SYT14: variants seen among roughly 807,000 people sequenced by gnomAD.
The protein encoded by SYT14 is synaptotagmin 14, also known as synaptotagmin-14.
A neutral mutation model predicts 74.2 loss-of-function variants in SYT14; 32 were observed. The ratio of observed to expected loss-of-function variants is 0.43; its 90% CI spans 0.33 to 0.58. The LOEUF (loss-of-function observed/expected upper bound fraction) is 0.58. Ranked by LOEUF, SYT14 falls within the 20% of genes least tolerant of loss-of-function variation. The pLI is 0.05. For missense variants in SYT14, 791 were observed against 981.8 expected (o/e 0.81, Z 2.60); for synonymous variants, 298 against 337.7 (o/e 0.88, Z 1.29).
At chr1:210,162,362 T>C in exon 10 of SYT14, 2 of 440,450 alleles carry the variant, frequency 4.5e-6, no homozygotes, top group South Asian at 1.7e-5. Flanking sequence ...CTCTGAAGTA[T>C]GTAAAAGTTG....
intron 5 of SYT14, among the ~76,000 whole-genome samples, chr1:210,037,886 C>T (rs921823808): frequency 7.9e-5 from 12 of 151,968 alleles, no homozygotes; most frequent in Non-Finnish European, 1.8e-4. Flanking sequence ...ATATTCCATG[C>T]ACTGATGAGA....
At chr1:210,104,585 A>G (rs1353639327) in intron 7 of SYT14, among the ~76,000 whole-genome samples, 1 of 152,146 alleles carries the variant, frequency 6.6e-6, no homozygotes, top group Non-Finnish European at 1.5e-5. Context: ...TTTAACCCCA[A>G]TTAATTTCTT....
intron 5 of SYT14, among the ~76,000 whole-genome samples, chr1:210,038,508 A>G (rs2130625): frequency 0.035 from 5,258 of 152,112 alleles, 613 homozygotes; most frequent in Admixed American, 0.23. Context: ...TAATTATTTT[A>G]TAAGATCTAT....
intron 2 of SYT14, among the ~76,000 whole-genome samples, chr1:209,994,719 A>T (rs1331905260): frequency 6.6e-6 from 1 of 152,172 alleles, no homozygotes; most frequent in South Asian, 2.1e-4. Context: ...TTAAAGAAAA[A>T]ATCTTAAAGG....
At chr1:210,019,530 T>C (rs1343012219) in intron 4 of SYT14, among the ~76,000 whole-genome samples, 1 of 152,214 alleles carries the variant, frequency 6.6e-6, no homozygotes, top group Non-Finnish European at 1.5e-5. Flanking sequence ...CACATGTGAC[T>C]ATTGGCTACA....
intron 7 of SYT14, among the ~76,000 whole-genome samples, chr1:210,128,081 A>G (rs1169588801): frequency 6.6e-6 from 1 of 150,494 alleles, no homozygotes; most frequent in Non-Finnish European, 1.5e-5. Context: ...TTTTCAAGGT[A>G]GATTTTTAAG....
chr1:210,003,161 A>G (rs2079931835), intron 2 of SYT14, among the ~76,000 whole-genome samples: 2 of 152,280 alleles, frequency 1.3e-5, no homozygotes, highest in South Asian at 4.1e-4. Context: ...AGCACAATGC[A>G]TTCAAAACAT....
chr1:210,085,184 GCTTT>G (rs1313448673), intron 5 of SYT14, among the ~76,000 whole-genome samples: 2 of 152,208 alleles, frequency 1.3e-5, no homozygotes, highest in South Asian at 2.1e-4. Context: ...TAAAATTTTT[GCTTT>G]CTAATTGATC....
chr1:210,011,765 C>T (rs1008490021), intron 2 of SYT14, among the ~76,000 whole-genome samples: 52 of 152,210 alleles, frequency 3.4e-4, no homozygotes, highest in African/African-American at 1.2e-3. Context: ...ATTTTAGTTG[C>T]TGCTTGAATG....
chr1:209,979,214 G>A (rs2079432965), intron 2 of SYT14, among the ~76,000 whole-genome samples: 1 of 152,118 alleles, frequency 6.6e-6, no homozygotes, highest in Non-Finnish European at 1.5e-5. Flanking sequence ...CCACTGTCCT[G>A]CACCCACTTT....
intron 7 of SYT14, among the ~76,000 whole-genome samples, chr1:210,109,176 G>A (rs139160851): frequency 6.6e-5 from 10 of 152,070 alleles, no homozygotes; most frequent in South Asian, 4.2e-4. Flanking sequence ...AGACATTTAC[G>A]TGGCCAACAA....
chr1:210,062,219 G>A (rs1228447342), intron 5 of SYT14, among the ~76,000 whole-genome samples: 1 of 151,752 alleles, frequency 6.6e-6, no homozygotes, highest in Non-Finnish European at 1.5e-5. Context: ...TTAAGTACAC[G>A]ACAGTATATG....
rs556654931 is a variant in SYT14 at position 210,144,321 on chromosome 1, G to A, written c.2035-11400G>A. The stretch of plus-strand genomic sequence containing the variant: ...AAATAATAATACATTAAATTTATTT[G>A]CAATACAATGTGTTCCCTAATATAT... On this transcript the variant is annotated intron_variant, in intron 7 of 9. Transcript: ENST00000637265. Among the ~76,000 whole-genome samples the A allele has an allele frequency of 1.1e-4, 16 of 152,168 alleles. 1 individual carries two copies. The South Asian group carries it at 3.1e-3, about 30-fold the overall frequency.
chr1:210,034,428 T>A (rs2080610584), intron 5 of SYT14, among the ~76,000 whole-genome samples: 1 of 150,940 alleles, frequency 6.6e-6, no homozygotes, highest in Non-Finnish European at 1.5e-5. Context: ...TTAAATTTTA[T>A]ATAAATATAT....
intron 7 of SYT14, among the ~76,000 whole-genome samples, chr1:210,108,023 A>T (rs2082190354): frequency 1.3e-5 from 2 of 152,202 alleles, no homozygotes; most frequent in South Asian, 4.1e-4. Context: ...TTGCTGGATT[A>T]TTTAAGTCCT....
At chr1:210,091,742 C>G (rs1037628289) in intron 5 of SYT14, among the ~76,000 whole-genome samples, 1 of 152,164 alleles carries the variant, frequency 6.6e-6, no homozygotes, top group Non-Finnish European at 1.5e-5. Flanking sequence ...CTACTCTTTT[C>G]CATATAGATA....
At chr1:210,038,534 G>A (rs997565439) in intron 5 of SYT14, among the ~76,000 whole-genome samples, 5 of 152,000 alleles carry the variant, frequency 3.3e-5, no homozygotes, top group African/African-American at 9.7e-5. Flanking sequence ...TTATACTTTT[G>A]TGTGCTTTTA....
chr1:210,006,963 A>G (rs2079999220), intron 2 of SYT14, among the ~76,000 whole-genome samples: 1 of 151,850 alleles, frequency 6.6e-6, no homozygotes, highest in South Asian at 2.1e-4. Context: ...GACAAAATAT[A>G]ATGGAGAATT....
At chr1:209,985,857 G>T (rs987447143) in intron 2 of SYT14, among the ~76,000 whole-genome samples, 7 of 152,226 alleles carry the variant, frequency 4.6e-5, no homozygotes, top group African/African-American at 1.7e-4. Context: ...TGAAGCAGCA[G>T]CCCAAGGTAT....
Sources: gnomAD v4.1 joint callset for allele counts (sites outside exome capture counted in the v4.1 genomes callset) on GRCh38, gnomAD v4.1.1 for gene constraint, MANE v1.5 for transcripts, NCBI Gene and HGNC (gene_info 2026-07-23, HGNC 2026-07-21) for gene names.